UTS2R: variants seen among roughly 807,000 people sequenced by gnomAD.
UTS2R encodes the protein urotensin 2 receptor.
For missense variants in UTS2R, 653 were observed against 562.2 expected, an observed-to-expected ratio of 1.16 and a Z score of -1.63; for synonymous variants, 335 against 280.9, an observed-to-expected ratio of 1.19 and a Z score of -1.93.
At chr17:82,373,802 AT>A (rs1406743171) in intron 2 of UTS2R, among the ~76,000 whole-genome samples, 1 of 152,322 alleles carries the variant, frequency 6.6e-6, no homozygotes, top group East Asian at 1.9e-4. Context: ...TAAAGAAAAC[AT>A]TTTTTTAAAT....
chr17:82,373,467 T>G (rs918041596), intron 2 of UTS2R, among the ~76,000 whole-genome samples: 3 of 152,260 alleles, frequency 2.0e-5, no homozygotes, highest in Non-Finnish European at 2.9e-5. Flanking sequence ...TGGCCTGATA[T>G]ATGTTTTCTG....
In UTS2R at chr17:82,374,353, G is replaced by A. The variant is rs771606405; in HGVS notation, c.29G>A (p.Ser10Asn). 14 of 1,580,608 alleles carry A rather than the reference G, an allele frequency of 8.9e-6. No individual in the cohort carries two copies. In the East Asian group the frequency reaches 9.1e-5, roughly 10 times the overall value. The change falls in exon 3 of 3, where the codon AGC becomes AAC. Residue 10 changes from serine to asparagine, a missense_variant. Physicochemically the swap from Ser to Asn is conservative, Grantham distance 46. Coordinates refer to ENST00000313135, the MANE Select transcript of UTS2R (RefSeq NM_018949.3). MALTPESPS[S>N]FPGLAATGSS... ...GCGCTGACCCCCGAGTCCCCGAGCA[G>A]CTTCCCTGGGCTGGCCGCCACTGGC...
Position 82,374,794 on chromosome 17 carries a change from A to G in UTS2R, c.470A>G (p.Asp157Gly). ...ERYAAVLRPL[D>G]TVQRPKGYRK... ...TACGCTGCGGTGCTGCGGCCGCTGG[A>G]CACCGTGCAGCGCCCCAAGGGCTAC... Residue 157 changes from aspartate to glycine, a missense_variant, in exon 3 of 3, where the codon GAC (aspartate) becomes GGC (glycine). Physicochemically the swap from Asp to Gly is moderately conservative, Grantham distance 94. Coordinates refer to ENST00000313135, the MANE Select transcript of UTS2R (RefSeq NM_018949.3). The G allele has an allele frequency of 3.1e-6, 5 of 1,587,868 alleles. No homozygotes were observed. The highest frequency in any genetic ancestry group is 4.3e-6 in the Non-Finnish European group (5 of 1,169,742).
At position 82,374,399 on chromosome 17, in the gene UTS2R, TGGC is replaced by T; in HGVS notation, c.79_81del (p.Gly27del). Reference sequence around the variant, plus strand: ...CTGGCAGCTCTGTGCCGGAGCCGCCTGGCGGCCCCAACGCAACCCTCAACAGCT... The same window carrying T: ...CTGGCAGCTCTGTGCCGGAGCCGCCTGGCCCCAACGCAACCCTCAACAGCT... On this transcript the variant is annotated inframe_deletion, in exon 3 of 3. Transcript: ENST00000313135. 6.3e-7 allele frequency: 1 copy of T among 1,592,806 alleles called. No individual in the cohort carries two copies. Among genetic ancestry groups the T allele is most frequent in the Non-Finnish European group, 8.5e-7 (1 of 1,175,152 alleles).
In UTS2R at chr17:82,375,769, G is replaced by T. The variant is rs1349030648; in HGVS notation, c.*275G>T. Reference sequence around the variant, plus strand: ...CAGGCGCCAGTGCCCGGCCCGTGTGGAGACCATGGCGCGGCTGCCGCCCCC... The same window carrying T: ...CAGGCGCCAGTGCCCGGCCCGTGTGTAGACCATGGCGCGGCTGCCGCCCCC... On this transcript the variant is annotated 3_prime_UTR_variant, in exon 3 of 3. Coordinates refer to ENST00000313135, the MANE Select transcript of UTS2R (RefSeq NM_018949.3). 6.6e-6 allele frequency among the ~76,000 whole-genome samples: 1 copy of T among 152,170 alleles called. No homozygotes were observed. The highest frequency in any genetic ancestry group is 1.9e-4 in the East Asian group (1 of 5,184).
rs1282983185 is a variant in UTS2R at position 82,375,205 on chromosome 17, G to T, written c.881G>T (p.Arg294Leu). 1.0e-5 allele frequency: 16 copies of T among 1,568,594 alleles called. No individual in the cohort carries two copies. Among genetic ancestry groups the T allele is most frequent in the Non-Finnish European group, 1.4e-5 (16 of 1,158,986 alleles). Residue 294 changes from arginine to leucine, a missense_variant, in exon 3 of 3, where the codon CGC (arginine) becomes CTC (leucine). By Grantham distance (102) the Arg-to-Leu change is moderately radical. Coordinates refer to ENST00000313135, the MANE Select transcript of UTS2R (RefSeq NM_018949.3). ...GCCCCGCTGGCGCCGCGGACGGCGC[G>T]CATCGTCAACTACCTGACCACCTGC... The part of the protein sequence containing the change: ...HQAPLAPRTA[R>L]IVNYLTTCLT...
Position 82,374,377 on chromosome 17 carries a change from G to T in UTS2R, c.53G>T (p.Gly18Val). ...PSSFPGLAATGSSVPEPPGGP... is the reference protein window; with the variant it reads ...PSSFPGLAATVSSVPEPPGGP... ...AGCTTCCCTGGGCTGGCCGCCACTG[G>T]CAGCTCTGTGCCGGAGCCGCCTGGC... Residue 18 changes from glycine (G) to valine (V), a missense_variant, in exon 3 of 3, where the codon GGC becomes GTC. Coordinates refer to ENST00000313135, the MANE Select transcript of UTS2R (RefSeq NM_018949.3). 1 of 1,588,122 alleles carries T rather than the reference G, an allele frequency of 6.3e-7. No homozygotes were observed.
In UTS2R at chr17:82,374,761, G is replaced by A. The variant is rs2052477284; in HGVS notation, c.437G>A (p.Ser146Asn). 1.2e-6 allele frequency: 2 copies of A among 1,608,874 alleles called. No homozygotes were observed. The highest frequency in any genetic ancestry group is 2.2e-5 in the East Asian group (1 of 44,856). The change falls in exon 3 of 3, where the codon AGC becomes AAC. Residue 146 changes from serine to asparagine, a missense_variant. Coordinates refer to ENST00000313135, the MANE Select transcript of UTS2R (RefSeq NM_018949.3). ...ATCTTCACGCTGACCGTCATGAGCA[G>A]CGAGCGCTACGCTGCGGTGCTGCGG... Reference protein sequence around the residue: ...ASIFTLTVMSSERYAAVLRPL... With the variant: ...ASIFTLTVMSNERYAAVLRPL...
chr17:82,374,061 G>A (rs1281320769), intron 2 of UTS2R, among the ~76,000 whole-genome samples, 182 bp from the exon 3 acceptor site: 4 of 151,044 alleles, frequency 2.6e-5, no homozygotes, highest in East Asian at 1.9e-4. Flanking sequence ...TGCGGGGGTC[G>A]GGGAGGGGGG....
rs1204092801 is a variant in UTS2R, at chr17:82,375,453, C to T, written c.1129C>T (p.Pro377Ser). Residue 377 changes from proline (P) to serine (S), a missense_variant, in exon 3 of 3, where the codon CCG (proline) becomes TCG (serine). By Grantham distance (74) the Pro-to-Ser change is moderately conservative. Transcript: ENST00000313135. Reference protein sequence around the residue: ...TDSLVLAPAAPARPAPEGPRA... With the variant: ...TDSLVLAPAASARPAPEGPRA... Reference sequence around the variant, plus strand: ...CAGCCTCGTGCTGGCCCCAGCGGCCCCGGCCCGACCTGCGCCCGAGGGTCC... The same window carrying T: ...CAGCCTCGTGCTGGCCCCAGCGGCCTCGGCCCGACCTGCGCCCGAGGGTCC... The T allele has an allele frequency of 6.5e-7, 1 of 1,530,122 alleles. No individual in the cohort carries two copies. The allele number at this position is 1,530,122 out of a possible 1,614,324, so 94.8% of individuals were successfully genotyped here. A position where few individuals can be genotyped will look rare whatever the true frequency, so the allele number is the denominator to read the frequency against.
intron 1 of UTS2R, among the ~76,000 whole-genome samples, 103 bp from the exon 2 acceptor site, chr17:82,372,495 T>G: frequency 6.6e-6 from 1 of 152,156 alleles, no homozygotes; most frequent in East Asian, 1.9e-4. Flanking sequence ...TGTTGACAAC[T>G]CCCCACCCCA....
Position 82,375,075 on chromosome 17 carries a change from C to T in UTS2R, c.751C>T (p.Arg251Trp), listed in dbSNP as rs752993816. 2.1e-5 allele frequency: 29 copies of T among 1,404,006 alleles called. No homozygotes were observed. In the Admixed American group the frequency reaches 3.5e-4, roughly 17 times the overall value. The allele number at this position is 1,404,006 out of a possible 1,614,324, so 87.0% of individuals were successfully genotyped here. ...SQRASFKRAR[R>W]PGARALRLVL... ...GCGCGCCTCCTTCAAGCGGGCCCGG[C>T]GGCCGGGGGCGCGCGCGCTGCGCCT... The change falls in exon 3 of 3, where the codon CGG becomes TGG. Residue 251 changes from arginine (R) to tryptophan (W), a missense_variant. Physicochemically the swap from Arg to Trp is moderately radical, Grantham distance 101 (BLOSUM62 -3). Transcript: ENST00000313135.
chr17:82,373,480 G>A (rs948121546), intron 2 of UTS2R, among the ~76,000 whole-genome samples: 2 of 152,182 alleles, frequency 1.3e-5, no homozygotes, highest in Non-Finnish European at 2.9e-5. Flanking sequence ...GTTTTCTGAT[G>A]ATCTCCTAGC....
intron 2 of UTS2R, among the ~76,000 whole-genome samples, chr17:82,373,069 CT>C (rs1015108665): frequency 1.3e-5 from 2 of 152,144 alleles, no homozygotes; most frequent in African/African-American, 4.8e-5. Flanking sequence ...GTTTTGGTCT[CT>C]TTTTTTCAAA....
chr17:82,374,282 G>T lies in UTS2R; in HGVS notation c.-43G>T. On this transcript the variant is annotated 5_prime_UTR_variant, in exon 3 of 3. The change creates a new upstream start codon in the 5' untranslated region. Transcript: ENST00000313135. ...CCACAGGGGCCCCCGCCCCATCTCA[G>T]GGAGTGTCCACCCAGCCCTGAGCCC... 1 of 1,471,700 alleles carries T rather than the reference G, an allele frequency of 6.8e-7. No homozygotes were observed. Among genetic ancestry groups the T allele is most frequent in the Non-Finnish European group, 9.0e-7 (1 of 1,111,450 alleles). The allele number at this position is 1,471,700 out of a possible 1,614,324, so 91.2% of individuals were successfully genotyped here. A position where few individuals can be genotyped will look rare whatever the true frequency, so the allele number is the denominator to read the frequency against.
At position 82,377,234 on chromosome 17, in the gene UTS2R, G is replaced by A. The variant is rs932550083; in HGVS notation, c.*1740G>A. 6.6e-6 allele frequency among the ~76,000 whole-genome samples: 1 copy of A among 152,126 alleles called. No individual in the cohort carries two copies. The highest frequency in any genetic ancestry group is 2.4e-5 in the African/African-American group (1 of 41,428). ...GTTGAATGGATTAAGGGCGGTGCAA[G>A]ATGTGCTTTGTTAAACAGATGCTTG... On this transcript the variant is annotated 3_prime_UTR_variant, in exon 3 of 3. Transcript: ENST00000313135.
chr17:82,373,058 G>T (rs1472764039), intron 2 of UTS2R, among the ~76,000 whole-genome samples: 4 of 152,188 alleles, frequency 2.6e-5, no homozygotes, highest in African/African-American at 9.7e-5. Context: ...CCCCGGTCAC[G>T]GTTTTGGTCT....
intron 2 of UTS2R, among the ~76,000 whole-genome samples, chr17:82,373,690 AT>A (rs2052465197): frequency 6.6e-6 from 1 of 152,244 alleles, no homozygotes; most frequent in Non-Finnish European, 1.5e-5. Context: ...TCCATCTTGA[AT>A]TCGTTTCCCT....
chr17:82,374,455 C>T lies in UTS2R; in HGVS notation c.131C>T (p.Ser44Phe), dbSNP rs370027969. 83 of 1,599,434 alleles carry T rather than the reference C, an allele frequency of 5.2e-5. 1 individual carries two copies. The African/African-American group carries it at 5.6e-4, about 11-fold the overall frequency. Residue 44 changes from serine to phenylalanine, a missense_variant, in exon 3 of 3, where the codon TCC (serine) becomes TTC (phenylalanine). Physicochemically the swap from Ser to Phe is radical, Grantham distance 155. Coordinates refer to ENST00000313135, the MANE Select transcript of UTS2R (RefSeq NM_018949.3). ...SSWASPTEPSSLEDLVATGTI... is the reference protein window; with the variant it reads ...SSWASPTEPSFLEDLVATGTI... Reference sequence around the variant, plus strand: ...TGGGCCAGCCCGACCGAGCCCAGCTCCCTGGAGGACCTGGTGGCCACGGGC... The same window carrying T: ...TGGGCCAGCCCGACCGAGCCCAGCTTCCTGGAGGACCTGGTGGCCACGGGC...
Sources: gnomAD v4.1 joint callset for allele counts (sites outside exome capture counted in the v4.1 genomes callset) on GRCh38, gnomAD v4.1.1 for gene constraint, MANE v1.5 for transcripts, NCBI Gene and HGNC (gene_info 2026-07-23, HGNC 2026-07-21) for gene names.